EXOC6B: variants seen among roughly 807,000 people sequenced by gnomAD.
EXOC6B encodes the protein exocyst complex component 6B, also known as SEC15 homolog B.
EXOC6B carries 54 observed loss-of-function variants against 113.5 expected under a neutral mutation model. The observed-to-expected ratio is 0.48, with a 90% CI of 0.38 to 0.60. The LOEUF (loss-of-function observed/expected upper bound fraction) is 0.60. EXOC6B is among the 20% of genes least tolerant of loss of function. EXOC6B has a pLI of 0.00. For synonymous variants in EXOC6B, 357 were observed against 339.0 expected (o/e 1.05, Z -0.58); for missense variants, 797 against 977.5 (o/e 0.82, Z 2.46).
chr2:72,517,408 T>C (rs1330841812), intron 8 of EXOC6B, among the ~76,000 whole-genome samples: 1 of 152,132 alleles, frequency 6.6e-6, no homozygotes, highest in African/African-American at 2.4e-5. Flanking sequence ...AAACAACAGT[T>C]TTAAAGTTCT....
intron 20 of EXOC6B, among the ~76,000 whole-genome samples, chr2:72,259,837 A>T (rs1005452510): frequency 6.6e-6 from 1 of 152,010 alleles, no homozygotes; most frequent in African/African-American, 2.4e-5. Context: ...GATAGCTTGA[A>T]CCCAAGAGTT....
intron 20 of EXOC6B, among the ~76,000 whole-genome samples, chr2:72,266,551 G>C (rs1684096442): frequency 1.3e-5 from 2 of 151,922 alleles, no homozygotes; most frequent in Admixed American, 1.3e-4. Context: ...GTTTGTCAAA[G>C]ATCAGATAGT....
At chr2:72,642,881 T>C (rs1673370951) in intron 6 of EXOC6B, among the ~76,000 whole-genome samples, 1 of 149,152 alleles carries the variant, frequency 6.7e-6, no homozygotes, top group African/African-American at 2.5e-5. Flanking sequence ...AAAGGGCTAA[T>C]ATCCAGAATC....
At position 72,208,093 on chromosome 2, in the gene EXOC6B, GTTT is replaced by G. The variant is rs201337873; in HGVS notation, c.2197-23909_2197-23907del. 7.2e-5 allele frequency among the ~76,000 whole-genome samples: 11 copies of G among 152,184 alleles called. No individual in the cohort carries two copies. In the East Asian group the frequency reaches 2.1e-3, roughly 29 times the overall value. On this transcript the variant is annotated intron_variant, in intron 20 of 21. Coordinates refer to ENST00000272427, the MANE Select transcript of EXOC6B (RefSeq NM_015189.3). ...TTTCATCTTTTTAAAAAAAATTTCA[GTTT>G]TTATTTTAGATACAGGGGGTATATG...
intron 6 of EXOC6B, among the ~76,000 whole-genome samples, chr2:72,663,217 A>G (rs1015894827): frequency 6.6e-5 from 10 of 152,236 alleles, no homozygotes; most frequent in African/African-American, 2.4e-4. Flanking sequence ...AACTATTGAC[A>G]CACACAATAA....
intron 18 of EXOC6B, among the ~76,000 whole-genome samples, chr2:72,384,036 T>C (rs1390690741): frequency 6.6e-6 from 1 of 151,968 alleles, no homozygotes; most frequent in Non-Finnish European, 1.5e-5. Context: ...TCAGAAAAAA[T>C]ACCTTTCAGA....
At chr2:72,644,937 A>T (rs190444941) in intron 6 of EXOC6B, among the ~76,000 whole-genome samples, 1 of 152,312 alleles carries the variant, frequency 6.6e-6, no homozygotes, top group Admixed American at 6.5e-5. Context: ...CACACATAAC[A>T]ATATTAACCT....
At chr2:72,218,674 TTTG>T (rs1428537198) in intron 20 of EXOC6B, among the ~76,000 whole-genome samples, 1 of 152,108 alleles carries the variant, frequency 6.6e-6, no homozygotes, top group Admixed American at 6.6e-5. Flanking sequence ...TCTTTTTTTG[TTTG>T]TTTTTTGAGA....
intron 18 of EXOC6B, among the ~76,000 whole-genome samples, chr2:72,388,340 T>C (rs1573011148): frequency 1.3e-5 from 2 of 152,202 alleles, no homozygotes; most frequent in Non-Finnish European, 2.9e-5. Flanking sequence ...TAATATCCAA[T>C]GATTTGGTGA....
chr2:72,252,340 T>C (rs922790882), intron 20 of EXOC6B, among the ~76,000 whole-genome samples: 20 of 152,316 alleles, frequency 1.3e-4, no homozygotes, highest in Admixed American at 1.3e-3. Flanking sequence ...ATCCCTACTG[T>C]CTACTATTAT....
chr2:72,459,296 A>C (rs1216202468), intron 18 of EXOC6B, among the ~76,000 whole-genome samples: 1 of 152,218 alleles, frequency 6.6e-6, no homozygotes, highest in Non-Finnish European at 1.5e-5. Context: ...AACTGGCACA[A>C]GACAGGGATG....
intron 5 of EXOC6B, among the ~76,000 whole-genome samples, chr2:72,730,176 A>T (rs1051220572): frequency 6.6e-5 from 10 of 152,104 alleles, no homozygotes; most frequent in Non-Finnish European, 8.8e-5. Context: ...ATTTAACCTC[A>T]CCCTTCCCCT....
chr2:72,324,921 A>C (rs562252490), intron 20 of EXOC6B, among the ~76,000 whole-genome samples: 17 of 152,238 alleles, frequency 1.1e-4, no homozygotes, highest in African/African-American at 4.1e-4. Flanking sequence ...GAGACTCCAA[A>C]CACAACTCTC....
intron 20 of EXOC6B, among the ~76,000 whole-genome samples, chr2:72,231,188 C>T (rs1488223845): frequency 2.0e-5 from 3 of 152,168 alleles, no homozygotes; most frequent in African/African-American, 7.2e-5. Flanking sequence ...TCTGCTCTCA[C>T]TCTCTCTAAA....
At chr2:72,660,819 CTT>C (rs201934111) in intron 6 of EXOC6B, among the ~76,000 whole-genome samples, 129 of 144,020 alleles carry the variant, frequency 9.0e-4, no homozygotes, top group South Asian at 4.0e-3. Context: ...CTAAGTTTAC[CTT>C]TTTTTTTTTT....
chr2:72,568,729 A>G (rs1434642643), intron 7 of EXOC6B, among the ~76,000 whole-genome samples: 2 of 152,018 alleles, frequency 1.3e-5, no homozygotes, highest in African/African-American at 4.8e-5. Flanking sequence ...AGAAGAGGTA[A>G]AATTGAGGGG....
intron 6 of EXOC6B, among the ~76,000 whole-genome samples, chr2:72,708,875 T>C (rs1679065392): frequency 6.6e-6 from 1 of 151,074 alleles, no homozygotes; most frequent in African/African-American, 2.4e-5. Flanking sequence ...GGTTACAGGC[T>C]TGTGCCACCA....
At chr2:72,409,998 G>A (rs1294289448) in intron 18 of EXOC6B, among the ~76,000 whole-genome samples, 1 of 152,152 alleles carries the variant, frequency 6.6e-6, no homozygotes, top group Admixed American at 6.6e-5. Flanking sequence ...AGGAAGGTGA[G>A]GGACAAGCGC....
Position 72,323,563 on chromosome 2 carries a change from T to C in EXOC6B, c.2196+11384A>G, listed in dbSNP as rs191583086. 1.9e-3 allele frequency among the ~76,000 whole-genome samples: 290 copies of C among 152,180 alleles called. 2 individuals are homozygous for C. The highest frequency in any genetic ancestry group is 6.7e-3 in the African/African-American group (278 of 41,502). Reference sequence around the variant, plus strand: ...ATGTTTATTGCGGCACTATTCACAATAGCAAAGACTTGGAACCAACTCAAA... The same window carrying C: ...ATGTTTATTGCGGCACTATTCACAACAGCAAAGACTTGGAACCAACTCAAA... On this transcript the variant is annotated intron_variant, in intron 20 of 21. Transcript: ENST00000272427.
Sources: gnomAD v4.1 joint callset for allele counts (sites outside exome capture counted in the v4.1 genomes callset) on GRCh38, gnomAD v4.1.1 for gene constraint, MANE v1.5 for transcripts, NCBI Gene and HGNC (gene_info 2026-07-23, HGNC 2026-07-21) for gene names.